OR13A1: variants seen among roughly 807,000 people sequenced by gnomAD.
OR13A1 encodes olfactory receptor family 13 subfamily A member 1.
OR13A1 carries 10 observed loss-of-function variants against 7.5 expected under a neutral mutation model. The observed-to-expected ratio is 1.34, with a 90% CI of 0.83 to 2.27. The LOEUF (loss-of-function observed/expected upper bound fraction) is 2.27, where lower values mean the gene tolerates loss of function less well. Ranked by LOEUF, OR13A1 falls within the 30% of genes most tolerant of loss-of-function variation. The pLI is 0.00. For missense variants in OR13A1, 509 were observed against 419.1 expected, an observed-to-expected ratio of 1.21 and a Z score of -1.87; for synonymous variants, 238 against 177.9, an observed-to-expected ratio of 1.34 and a Z score of -2.69.
chr10:45,311,127 T>G (rs1232011622), intron 1 of OR13A1, among the ~76,000 whole-genome samples: 1 of 152,226 alleles, frequency 6.6e-6, no homozygotes, highest in Non-Finnish European at 1.5e-5. Flanking sequence ...ATACCACTGC[T>G]CAATTTTTCC....
At chr10:45,310,503 A>C (rs1361866378) in intron 1 of OR13A1, among the ~76,000 whole-genome samples, 1 of 152,238 alleles carries the variant, frequency 6.6e-6, no homozygotes, top group African/African-American at 2.4e-5. Flanking sequence ...GATATTGTGC[A>C]CATAACTTCT....
At position 45,302,953 on chromosome 10, in the gene OR13A1, G is replaced by A. The variant is rs1316947591; in HGVS notation, c.*483C>T. On this transcript the variant is annotated 3_prime_UTR_variant, in exon 4 of 4. Coordinates refer to ENST00000553795, the MANE Select transcript of OR13A1 (RefSeq NM_001004297.3). ...AAACAGTTGAGGTAAGATAATGGGG[G>A]TAGAAGGTTTCCTAGAGGCCAGTGG... is the stretch of plus-strand genomic sequence containing the variant. 1 of 154,312 alleles carries A rather than the reference G, an allele frequency of 6.5e-6. No homozygotes were observed. Among genetic ancestry groups the A allele is most frequent in the African/African-American group, 2.4e-5 (1 of 41,520 alleles). 9.6% of individuals were successfully genotyped at this position (154,312 alleles called of 1,614,324 possible). A position where few individuals can be genotyped will look rare whatever the true frequency, so the allele number is the denominator to read the frequency against.
rs765515225 is a variant in OR13A1 at position 45,303,392 on chromosome 10, C to G, written c.*44G>C. 9.1e-6 allele frequency: 14 copies of G among 1,537,936 alleles called. No individual in the cohort carries two copies. Among genetic ancestry groups the G allele is most frequent in the Admixed American group, 4.1e-5 (2 of 48,784 alleles). On this transcript the variant is annotated 3_prime_UTR_variant, in exon 4 of 4. Coordinates refer to ENST00000553795, the MANE Select transcript of OR13A1 (RefSeq NM_001004297.3). ...CCAGAAACTTGCTCATCAGACTCCA[C>G]TAAAACTGCAGTCTCCAAGGACAAA...
Position 45,303,235 on chromosome 10 carries a change from G to T in OR13A1, c.*201C>A. 1 of 578,096 alleles carries T rather than the reference G, an allele frequency of 1.7e-6. No homozygotes were observed. Among genetic ancestry groups the T allele is most frequent in the East Asian group, 2.8e-5 (1 of 35,162 alleles). 35.8% of individuals were successfully genotyped at this position (578,096 alleles called of 1,614,324 possible). On this transcript the variant is annotated 3_prime_UTR_variant, in exon 4 of 4. Coordinates refer to ENST00000553795, the MANE Select transcript of OR13A1 (RefSeq NM_001004297.3). ...ACCTTGGAGTCAGACCAAGAGATCT[G>T]GTGTCTCAGAGGCTGGTGGGTCACA...
At chr10:45,314,411 A>G (rs1019590082) in intron 1 of OR13A1, among the ~76,000 whole-genome samples, 2 of 151,744 alleles carry the variant, frequency 1.3e-5, no homozygotes, top group Non-Finnish European at 1.5e-5. Flanking sequence ...AGCCTGGGCA[A>G]CAAAGCAAGA....
At chr10:45,308,380 TG>T (rs1838378934) in intron 1 of OR13A1, among the ~76,000 whole-genome samples, 1 of 152,218 alleles carries the variant, frequency 6.6e-6, no homozygotes, top group Non-Finnish European at 1.5e-5. Flanking sequence ...TGTAATTTGT[TG>T]GTTGCCTCCA....
At chr10:45,305,268 T>A (rs1468485440) in intron 3 of OR13A1, among the ~76,000 whole-genome samples, 1 of 150,762 alleles carries the variant, frequency 6.6e-6, no homozygotes, top group Non-Finnish European at 1.5e-5. Flanking sequence ...AAGGAAAGAA[T>A]GAAAAAAAAT....
intron 1 of OR13A1, chr10:45,308,759 G>C (rs1838385384): frequency 6.6e-6 from 1 of 152,070 alleles, no homozygotes; most frequent in Non-Finnish European, 1.5e-5. Flanking sequence ...TTTATGTATA[G>C]CTGTCCTCTC....
chr10:45,304,224 T>C lies in OR13A1; in HGVS notation c.199A>G (p.Ile67Val), dbSNP rs1268704734. Reference protein sequence around the residue: ...LTGNVLITLAITFNPGLHAPM... With the variant: ...LTGNVLITLAVTFNPGLHAPM... Reference sequence around the variant, plus strand: ...GCGTGGAGCCCAGGGTTGAACGTGATGGCCAAGGTGATGAGGACATTACCT... The same window carrying C: ...GCGTGGAGCCCAGGGTTGAACGTGACGGCCAAGGTGATGAGGACATTACCT... The change falls in exon 4 of 4, where the codon ATC (isoleucine) becomes GTC (valine). Residue 67 changes from isoleucine to valine, a missense_variant. Ile to Val is a conservative substitution (Grantham distance 29). Coordinates refer to ENST00000553795, the MANE Select transcript of OR13A1 (RefSeq NM_001004297.3). 5.6e-6 allele frequency: 9 copies of C among 1,614,086 alleles called. No homozygotes were observed. Among genetic ancestry groups the C allele is most frequent in the Non-Finnish European group, 7.6e-6 (9 of 1,180,042 alleles).
At chr10:45,309,588 G>A (rs1163436953) in intron 1 of OR13A1, among the ~76,000 whole-genome samples, 1 of 152,066 alleles carries the variant, frequency 6.6e-6, no homozygotes, top group Non-Finnish European at 1.5e-5. Context: ...GTGACTTTGG[G>A]TGACTGCGCT....
intron 1 of OR13A1, among the ~76,000 whole-genome samples, chr10:45,309,465 G>A (rs1375621506): frequency 6.6e-6 from 1 of 152,050 alleles, no homozygotes; most frequent in African/African-American, 2.4e-5. Flanking sequence ...GGACCACTCT[G>A]TCTGCTGAGT....
At chr10:45,311,030 C>T (rs142402292) in intron 1 of OR13A1, among the ~76,000 whole-genome samples, 393 of 152,204 alleles carry the variant, frequency 2.6e-3, no homozygotes, top group African/African-American at 8.2e-3. Context: ...ATCTGTGCTG[C>T]GAGATGACTT....
At chr10:45,309,349 A>G (rs1838398237) in intron 1 of OR13A1, among the ~76,000 whole-genome samples, 1 of 152,016 alleles carries the variant, frequency 6.6e-6, no homozygotes, top group Non-Finnish European at 1.5e-5. Flanking sequence ...TCCCTCATAA[A>G]CAGCTTGGAT....
chr10:45,313,175 T>C (rs73281140), intron 1 of OR13A1, among the ~76,000 whole-genome samples: 2,344 of 152,122 alleles, frequency 0.015, 56 homozygotes, highest in African/African-American at 0.053. Flanking sequence ...TTTGAAGAAA[T>C]AGTTTTTGTA....
intron 1 of OR13A1, among the ~76,000 whole-genome samples, chr10:45,308,046 C>T (rs757515125): frequency 6.6e-6 from 1 of 152,118 alleles, no homozygotes; most frequent in South Asian, 2.1e-4. Context: ...GAGAACTTGA[C>T]TCATTTCATT....
Position 45,303,699 on chromosome 10 carries a change from T to C in OR13A1, c.724A>G (p.Ser242Gly). The C allele has an allele frequency of 9.9e-6, 16 of 1,614,232 alleles. No individual in the cohort carries two copies. Among genetic ancestry groups the C allele is most frequent in the Non-Finnish European group, 1.2e-5 (14 of 1,180,046 alleles). Residue 242 changes from serine (S) to glycine (G), a missense_variant, in exon 4 of 4, where the codon AGC becomes GGC. By Grantham distance (56) the Ser-to-Gly change is moderately conservative. Coordinates refer to ENST00000553795, the MANE Select transcript of OR13A1 (RefSeq NM_001004297.3). ...TIASYGFIVS[S>G]ILKVKTAWGR... ...CAGGCAGTCTTCACCTTCAGGATGC[T>C]GGAGACGATGAAGCCATAGGACGCG...
In OR13A1 at chr10:45,304,284, T is replaced by C; in HGVS notation, c.139A>G (p.Ser47Gly). 6.2e-7 allele frequency: 1 copy of C among 1,614,080 alleles called. No homozygotes were observed. Among genetic ancestry groups the C allele is most frequent in the Non-Finnish European group, 8.5e-7 (1 of 1,180,002 alleles). Residue 47 changes from serine (S) to glycine (G), a missense_variant, in exon 4 of 4, where the codon AGC becomes GGC. Transcript: ENST00000553795. The stretch of plus-strand genomic sequence containing the variant: ...CCAGAGTAGAGGAAGAGGAAACAGC[T>C]GAATAAGAACACCCGGTATTCTGGG... The part of the protein sequence containing the change: ...EHPEYRVFLF[S>G]CFLFLYSGAL...
intron 1 of OR13A1, among the ~76,000 whole-genome samples, chr10:45,313,665 A>G (rs555199652): frequency 6.6e-6 from 1 of 152,280 alleles, no homozygotes; most frequent in African/African-American, 2.4e-5. Flanking sequence ...AATAGTCACA[A>G]GACAAAAAAA....
Position 45,304,206 on chromosome 10 carries a change from G to A in OR13A1, c.217C>T (p.Leu73Phe), listed in dbSNP as rs756684773. ...AAGAAAAAGTACATAGGAGCGTGGA[G>A]CCCAGGGTTGAACGTGATGGCCAAG... ...ITLAITFNPG[L>F]HAPMYFFLLN... Residue 73 changes from leucine (L) to phenylalanine (F), a missense_variant, in exon 4 of 4, where the codon CTC becomes TTC. Transcript: ENST00000553795. The A allele has an allele frequency of 6.2e-7, 1 of 1,614,204 alleles. No individual in the cohort carries two copies. Among genetic ancestry groups the A allele is most frequent in the Non-Finnish European group, 8.5e-7 (1 of 1,180,042 alleles).
Sources: allele counts gnomAD v4.1 joint callset (sites outside exome capture counted in the v4.1 genomes callset), GRCh38; gene constraint gnomAD v4.1.1; transcripts MANE v1.5; gene names NCBI Gene and HGNC (gene_info 2026-07-23, HGNC 2026-07-21).